The following RHEB variants were observed in gnomAD, a reference collection of about 807,000 sequenced individuals.
The protein encoded by RHEB is GTP-binding protein Rheb.
A neutral mutation model predicts 28.8 loss-of-function variants in RHEB; 2 were observed. That is an observed-to-expected ratio of 0.07 (90% CI 0.03 to 0.22). RHEB has a LOEUF of 0.22. Ranked by LOEUF, RHEB falls within the 10% of genes least tolerant of loss-of-function variation. RHEB has a pLI of 1.00. For missense variants in RHEB, 76 were observed against 219.9 expected (o/e 0.35, Z 4.14); for synonymous variants, 69 against 77.3 (o/e 0.89, Z 0.56).
intron 2 of RHEB, among the ~76,000 whole-genome samples, chr7:151,488,814 G>GGTCATATTAC (rs1224871165): frequency 6.6e-6 from 1 of 152,078 alleles, no homozygotes; most frequent in Non-Finnish European, 1.5e-5. Context: ...AAAAAAGTAG[G>GGTCATATTAC]GTCATATTAC....
intron 4 of RHEB, 26 bp from the exon 5 acceptor site, chr7:151,471,631 A>C: frequency 6.9e-7 from 1 of 1,457,158 alleles, no homozygotes; most frequent in South Asian, 1.2e-5. Flanking sequence ...TATAAATTAG[A>C]CATCCATTTT....
chr7:151,503,414 G>A, intron 1 of RHEB: 5 of 1,177,560 alleles, frequency 4.2e-6, no homozygotes, highest in Non-Finnish European at 6.4e-6. Context: ...GATTTCCAGG[G>A]AATGGAATAC....
rs918515345 is a variant in RHEB at position 151,468,444 on chromosome 7, C to T, written c.463-1233G>A. On this transcript the variant is annotated intron_variant, in intron 7 of 7. Coordinates refer to ENST00000262187, the MANE Select transcript of RHEB (RefSeq NM_005614.4). The surrounding 1 kb of genome is among the most constrained non-coding windows in gnomAD (Gnocchi z 4.3). Reference sequence around the variant, plus strand: ...AAACGCTGCCCAGGGAAAACACACACCGCTCACTGCTGACCTCACACCCAT... The same window carrying T: ...AAACGCTGCCCAGGGAAAACACACATCGCTCACTGCTGACCTCACACCCAT... Among the ~76,000 whole-genome samples the T allele has an allele frequency of 3.9e-5, 6 of 152,242 alleles. No individual in the cohort carries two copies. Among genetic ancestry groups the T allele is most frequent in the Non-Finnish European group, 8.8e-5 (6 of 68,046 alleles).
intron 1 of RHEB, among the ~76,000 whole-genome samples, chr7:151,495,824 G>A (rs1190251741): frequency 6.6e-6 from 1 of 152,182 alleles, no homozygotes; most frequent in Non-Finnish European, 1.5e-5. Flanking sequence ...GTGGTGATGT[G>A]TGCATATAGT....
rs546403998 is a variant in RHEB at position 151,469,507 on chromosome 7, C to T, written c.462+1064G>A. 9.9e-4 allele frequency among the ~76,000 whole-genome samples: 124 copies of T among 125,722 alleles called. No individual in the cohort carries two copies. In the Middle Eastern group the frequency reaches 0.013, roughly 13 times the overall value. 82.5% of individuals were successfully genotyped at this position (125,722 alleles called of 152,430 possible). ...GAAGGAAGAGTGCCAAGGCTGCTGG[C>T]GCCCGGCCCTCCCAGGGAGGAGGCA... On this transcript the variant is annotated intron_variant, in intron 7 of 7. Transcript: ENST00000262187.
chr7:151,496,855 T>C (rs553374691), intron 1 of RHEB, among the ~76,000 whole-genome samples: 113 of 152,158 alleles, frequency 7.4e-4, no homozygotes, highest in African/African-American at 2.5e-3. Context: ...TTTTGGCTCA[T>C]TGTAAGCTCC....
intron 1 of RHEB, among the ~76,000 whole-genome samples, chr7:151,494,343 G>A (rs921857545): frequency 1.8e-4 from 27 of 152,190 alleles, no homozygotes; most frequent in Middle Eastern, 3.4e-3. Context: ...GTGAAGGGAC[G>A]GGGGAAAAGA....
chr7:151,497,057 G>C (rs1178052795), intron 1 of RHEB, among the ~76,000 whole-genome samples: 2 of 151,706 alleles, frequency 1.3e-5, no homozygotes, highest in African/African-American at 4.9e-5. Context: ...CAAAGTGCTG[G>C]GATTACAGGT....
chr7:151,485,112 G>A (rs1802445662), intron 2 of RHEB, among the ~76,000 whole-genome samples: 2 of 152,146 alleles, frequency 1.3e-5, no homozygotes, highest in African/African-American at 2.4e-5. Flanking sequence ...CCTTCCTCTT[G>A]TGAAAAAGTG....
In RHEB at chr7:151,519,811, C is replaced by T. The variant is rs1350700809; in HGVS notation, c.-300G>A. 1.0e-5 allele frequency: 3 copies of T among 286,542 alleles called. No individual in the cohort carries two copies. Among genetic ancestry groups the T allele is most frequent in the Admixed American group, 5.2e-5 (1 of 19,050 alleles). 17.7% of individuals were successfully genotyped at this position (286,542 alleles called of 1,614,324 possible). A position where few individuals can be genotyped will look rare whatever the true frequency, so the allele number is the denominator to read the frequency against. ...ATACGCGGGGGGTGCGTCGGGGCGA[C>T]GTTTTACTTTAAAGGCAAAAAAAGG... On this transcript the variant is annotated 5_prime_UTR_variant, in exon 1 of 8. Transcript: ENST00000262187.
Position 151,518,011 on chromosome 7 carries a change from G to GCCCA in RHEB, c.52+1448_52+1449insTGGG, listed in dbSNP as rs547451236. 1.5e-3 allele frequency: 234 copies of GCCCA among 152,320 alleles called. 1 individual carries two copies. The highest frequency in any genetic ancestry group is 5.2e-3 in the African/African-American group (218 of 41,558). The allele number at this position is 152,320 out of a possible 1,614,324, so 9.4% of individuals were successfully genotyped here. A position where few individuals can be genotyped will look rare whatever the true frequency, so the allele number is the denominator to read the frequency against. On this transcript the variant is annotated intron_variant, in intron 1 of 7. Transcript: ENST00000262187. ...AGCATGGATTCAGGCTGCCAATAAA[G>GCCCA]GCTGGATCCCAGGTTCCATGTTGAT...
intron 1 of RHEB, among the ~76,000 whole-genome samples, chr7:151,492,045 G>C (rs966759552): frequency 6.6e-6 from 1 of 152,160 alleles, no homozygotes; most frequent in Non-Finnish European, 1.5e-5. Context: ...CAGGAATGAG[G>C]AAGTGGTCTC....
At chr7:151,488,149 C>T (rs551819066) in intron 2 of RHEB, among the ~76,000 whole-genome samples, 1 of 152,280 alleles carries the variant, frequency 6.6e-6, no homozygotes, top group South Asian at 2.1e-4. Flanking sequence ...TAATTTCAGC[C>T]TATCAATTTA....
intron 1 of RHEB, among the ~76,000 whole-genome samples, chr7:151,496,710 CTT>C (rs757490863): frequency 1.3e-5 from 2 of 152,190 alleles, no homozygotes; most frequent in Non-Finnish European, 2.9e-5. Flanking sequence ...TTCCACTACT[CTT>C]TTGTAAGAAG....
At chr7:151,484,893 G>C (rs945404135) in intron 2 of RHEB, 89 bp from the exon 3 acceptor site, 1 of 833,106 alleles carries the variant, frequency 1.2e-6, no homozygotes, top group Non-Finnish European at 2.0e-6. Context: ...ATCAAGCACA[G>C]AGTCCCTAGC....
intron 1 of RHEB, among the ~76,000 whole-genome samples, chr7:151,492,089 C>T (rs1158669345): frequency 6.6e-6 from 1 of 152,176 alleles, no homozygotes; most frequent in South Asian, 2.1e-4. Context: ...TTCCTTCTCT[C>T]TTGCATCCTT....
At chr7:151,479,670 G>C (rs889214589) in intron 3 of RHEB, among the ~76,000 whole-genome samples, 8 of 131,542 alleles carry the variant, frequency 6.1e-5, no homozygotes, top group Non-Finnish European at 1.1e-4. Flanking sequence ...GCGATAGAGC[G>C]AGACTCCGTC....
chr7:151,494,877 A>G (rs1341644596), intron 1 of RHEB, among the ~76,000 whole-genome samples: 1 of 152,198 alleles, frequency 6.6e-6, no homozygotes, highest in East Asian at 1.9e-4. Flanking sequence ...GCTATTATTA[A>G]CTAGTGTTGA....
chr7:151,485,587 C>G lies in RHEB; in HGVS notation c.125-783G>C, dbSNP rs1048423122. On this transcript the variant is annotated intron_variant, in intron 2 of 7. Transcript: ENST00000262187. ...CTTGACTCACCATGAGTCCTCCAAT[C>G]TCCTGATTGGCCGTCCTATATGACT... Among the ~76,000 whole-genome samples the G allele has an allele frequency of 3.4e-4, 52 of 152,332 alleles. 1 individual carries two copies. Among genetic ancestry groups the G allele is most frequent in the African/African-American group, 1.3e-3 (52 of 41,578 alleles).
Sources: allele counts gnomAD v4.1 joint callset (sites outside exome capture counted in the v4.1 genomes callset), GRCh38; gene constraint gnomAD v4.1.1; non-coding constraint Gnocchi (gnomAD v3.1); transcripts MANE v1.5; gene names NCBI Gene and HGNC (gene_info 2026-07-23, HGNC 2026-07-21).